DOT1L: variants seen among roughly 807,000 people sequenced by gnomAD.
The protein encoded by DOT1L is histone-lysine N-methyltransferase, H3 lysine-79 specific.
A neutral mutation model predicts 153.3 loss-of-function variants in DOT1L; 33 were observed. The observed-to-expected ratio is 0.22, with a 90% confidence interval of 0.16 to 0.29. The LOEUF (loss-of-function observed/expected upper bound fraction) is 0.29. Among genes scored for constraint, DOT1L ranks in the 10% least tolerant of loss-of-function variants. The probability of loss-of-function intolerance (pLI) is 1.00; values close to 1 mark genes in which losing one functional copy is unlikely to be tolerated. For missense variants in DOT1L, 1,847 were observed against 2,119.9 expected (o/e 0.87, Z 2.53); for synonymous variants, 1,135 against 965.1 (o/e 1.18, Z -3.26).
At chr19:2,216,155 G>T in intron 19 of DOT1L, 126 bp from the exon 20 acceptor site, 1 of 1,386,228 alleles carries the variant, frequency 7.2e-7, no homozygotes, top group Non-Finnish European at 9.6e-7. Context: ...CGGCAGCTTT[G>T]GTTTTTCCAT....
chr19:2,183,510 C>G (rs1315881073), intron 2 of DOT1L, among the ~76,000 whole-genome samples: 6 of 152,138 alleles, frequency 3.9e-5, no homozygotes, highest in Non-Finnish European at 8.8e-5. Context: ...TGAGAATCAG[C>G]CTTTCCATTT....
chr19:2,192,095 G>A (rs955191506), intron 5 of DOT1L, among the ~76,000 whole-genome samples: 6 of 152,216 alleles, frequency 3.9e-5, no homozygotes, highest in African/African-American at 1.4e-4. Context: ...GGACCTCGAT[G>A]GACATGTGAA....
chr19:2,203,315 G>A (rs1298343984), intron 9 of DOT1L, among the ~76,000 whole-genome samples: 1 of 152,200 alleles, frequency 6.6e-6, no homozygotes, highest in Non-Finnish European at 1.5e-5. Context: ...GGCCAGGCTG[G>A]TCTCGAACTC....
rs1314488156 is a variant in DOT1L, at chr19:2,187,919, C to G, written c.201-1813C>G. 2.0e-4 allele frequency among the ~76,000 whole-genome samples: 12 copies of G among 59,478 alleles called. No individual in the cohort carries two copies. In the East Asian group the frequency reaches 6.7e-3, roughly 33 times the overall value. The allele number at this position is 59,478 out of a possible 152,430, so 39.0% of individuals were successfully genotyped here. On this transcript the variant is annotated intron_variant, in intron 3 of 27. Transcript: ENST00000398665. The stretch of plus-strand genomic sequence containing the variant: ...CCTGGGTGACAGAGCGAGACTCCAT[C>G]TCAGAAAAAAAAAAAAAAAGGGAAG...
At chr19:2,209,022 T>C in intron 12 of DOT1L, 46 bp downstream of exon 12, 1 of 1,594,492 alleles carries the variant, frequency 6.3e-7, no homozygotes, top group Non-Finnish European at 8.6e-7. Flanking sequence ...ACGCATGCAC[T>C]GATGTGGGGA....
Position 2,226,951 on chromosome 19 carries a change from G to C in DOT1L, c.4430G>C (p.Gly1477Ala), listed in dbSNP as rs1353748516. Residue 1477 changes from glycine to alanine, a missense_variant, in exon 27 of 28, where the codon GGC becomes GCC. By Grantham distance (60) the Gly-to-Ala change is moderately conservative. This residue lies in a region of DOT1L where 934 missense variants were observed against 825.3 expected (regional missense o/e 1.13). Transcript: ENST00000398665. Reference sequence around the variant, plus strand: ...CCGCCGGGACCGCAGTTCGCGCTCGGCCCCATGTCCCTGCAGGCCAACCTC... The same window carrying C: ...CCGCCGGGACCGCAGTTCGCGCTCGCCCCCATGTCCCTGCAGGCCAACCTC... ...PFPPGPQFAL[G>A]PMSLQANLGS... 6.3e-7 allele frequency: 1 copy of C among 1,589,322 alleles called. No homozygotes were observed. The highest frequency in any genetic ancestry group is 8.5e-7 in the Non-Finnish European group (1 of 1,175,722).
In DOT1L at chr19:2,164,094, C is replaced by T. The variant is rs1477345691; in HGVS notation, c.-91C>T. 3.3e-5 allele frequency: 5 copies of T among 150,396 alleles called. No individual in the cohort carries two copies. In the South Asian group the frequency reaches 9.2e-4, roughly 28 times the overall value. 9.3% of individuals were successfully genotyped at this position (150,396 alleles called of 1,614,324 possible). ...GCCCCCTCCCCTCAGCCTCCCGCCC[C>T]TCCCTCCCGCCCGCCCTCCTCCGCC... On this transcript the variant is annotated 5_prime_UTR_variant, in exon 1 of 28. Transcript: ENST00000398665.
chr19:2,226,871 C>A lies in DOT1L; in HGVS notation c.4350C>A (p.Ser1450=). 2 of 1,572,578 alleles carry A rather than the reference C, an allele frequency of 1.3e-6. No individual in the cohort carries two copies. The highest frequency in any genetic ancestry group is 8.6e-7 in the Non-Finnish European group (1 of 1,167,440). The change falls in exon 27 of 28, where the codon TCC becomes TCA. Residue 1450 remains serine (S), a synonymous_variant. Transcript: ENST00000398665. ...CCGGCCTGGCCCCGGCGGCGTCCTC[C>A]GCAGGCGGCGCGGCGTCCTCCGCCC... ...SGPGLAPAAS[S]AGGAASSAQT... is the part of the protein sequence containing the mutation.
chr19:2,202,658 A>T, intron 8 of DOT1L, 42 bp from the exon 9 acceptor site: 1 of 1,597,252 alleles, frequency 6.3e-7, no homozygotes, highest in Non-Finnish European at 8.6e-7. Flanking sequence ...TGTGCCCGTG[A>T]GACGAGCCTT....
chr19:2,179,430 A>G (rs1388493640), intron 1 of DOT1L, among the ~76,000 whole-genome samples: 1 of 152,096 alleles, frequency 6.6e-6, no homozygotes, highest in Admixed American at 6.6e-5. Flanking sequence ...GGACTGCAGC[A>G]TCCAGGGGAT....
rs1255005125 is a variant in DOT1L at position 2,226,689 on chromosome 19, G to T, written c.4168G>T (p.Gly1390Trp). 3 of 1,573,214 alleles carry T rather than the reference G, an allele frequency of 1.9e-6. No homozygotes were observed. The highest frequency in any genetic ancestry group is 1.7e-6 in the Non-Finnish European group (2 of 1,164,126). The change falls in exon 27 of 28, where the codon GGG (glycine) becomes TGG (tryptophan). Residue 1390 changes from glycine (G) to tryptophan (W), a missense_variant. Physicochemically the swap from Gly to Trp is radical, Grantham distance 184 (BLOSUM62 -2). Transcript: ENST00000398665. ...CGAGGGCAGCCGCGGCAAGGAGGCAGGGGAGGGCGGCCTACCGCTGTGCGG... is the reference window on the plus strand; with the variant it reads ...CGAGGGCAGCCGCGGCAAGGAGGCATGGGAGGGCGGCCTACCGCTGTGCGG... Reference protein sequence around the residue: ...KGEGSRGKEAGEGGLPLCGPT... With the variant: ...KGEGSRGKEAWEGGLPLCGPT...
Position 2,226,498 on chromosome 19 carries a change from T to A in DOT1L, c.3977T>A (p.Leu1326Gln). The part of the protein sequence containing the change: ...CTFGGGLAAD[L>Q]SLHSFSDGAS... ...TTCGGCGGGGGCCTGGCCGCGGACC[T>A]GAGTTTACACAGCTTCAGTGATGGT... The change falls in exon 27 of 28, where the codon CTG becomes CAG. Residue 1326 changes from leucine (L) to glutamine (Q), a missense_variant. Coordinates refer to ENST00000398665, the MANE Select transcript of DOT1L (RefSeq NM_032482.3). 1 of 1,600,650 alleles carries A rather than the reference T, an allele frequency of 6.2e-7. No homozygotes were observed. The highest frequency in any genetic ancestry group is 8.5e-7 in the Non-Finnish European group (1 of 1,179,612).
chr19:2,164,359 T>TC (rs1193257498), intron 1 of DOT1L, 94 bp downstream of exon 1: 15 of 843,934 alleles, frequency 1.8e-5, no homozygotes, highest in Non-Finnish European at 2.3e-5. Context: ...CGCTCACCGG[T>TC]CCCCCCTGCG....
In DOT1L at chr19:2,226,960, C is replaced by A. The variant is rs752053629; in HGVS notation, c.4439C>A (p.Ser1480Tyr). The change falls in exon 27 of 28, where the codon TCC (serine) becomes TAC (tyrosine). Residue 1480 changes from serine to tyrosine, a missense_variant. Physicochemically the swap from Ser to Tyr is moderately radical, Grantham distance 144. Coordinates refer to ENST00000398665, the MANE Select transcript of DOT1L (RefSeq NM_032482.3). The part of the protein sequence containing the change: ...PGPQFALGPM[S>Y]LQANLGSVAG... ...CCGCAGTTCGCGCTCGGCCCCATGT[C>A]CCTGCAGGCCAACCTCGGCTCCGTG... The A allele has an allele frequency of 2.5e-6, 4 of 1,590,336 alleles. No homozygotes were observed. The highest frequency in any genetic ancestry group is 3.4e-6 in the Non-Finnish European group (4 of 1,176,184).
In DOT1L at chr19:2,208,868, G is replaced by C. The variant is rs1245352158; in HGVS notation, c.964-67G>C. On this transcript the variant is annotated intron_variant, in intron 11 of 27. Coordinates refer to ENST00000398665, the MANE Select transcript of DOT1L (RefSeq NM_032482.3). This position sits in a 1 kb window ranked among gnomAD's most constrained non-coding sequence, Gnocchi z 4.4. ...TGTCCAGGTTGCTGTTGTTACCTGG[G>C]TGTCCAGACAAATCCGAACAGAGAT... 5 of 1,536,370 alleles carry C rather than the reference G, an allele frequency of 3.3e-6. No homozygotes were observed. Among genetic ancestry groups the C allele is most frequent in the Non-Finnish European group, 4.5e-6 (5 of 1,121,618 alleles).
chr19:2,171,124 G>C (rs980880192), intron 1 of DOT1L, among the ~76,000 whole-genome samples: 2 of 152,156 alleles, frequency 1.3e-5, no homozygotes, highest in African/African-American at 4.8e-5. Flanking sequence ...CACCACGCCT[G>C]GCTAAATTTT....
rs754217297 is a variant in DOT1L at position 2,227,105 on chromosome 19, G to A, written c.4584G>A (p.Gly1528=). 3.2e-6 allele frequency: 5 copies of A among 1,553,372 alleles called. No homozygotes were observed. Among genetic ancestry groups the A allele is most frequent in the Non-Finnish European group, 3.5e-6 (4 of 1,156,012 alleles). Residue 1528 remains glycine, a synonymous_variant, in exon 27 of 28, where the codon GGG becomes GGA. Coordinates refer to ENST00000398665, the MANE Select transcript of DOT1L (RefSeq NM_032482.3). ...TNSHAMGSFS[G]VAGGTVGGN is the part of the protein sequence containing the mutation. ...CGCACGCCATGGGCAGCTTTTCCGG[G>A]GTGGCAGGCGGCACAGTTGGAGGTA...
intron 16 of DOT1L, chr19:2,213,319 C>G: frequency 2.0e-6 from 1 of 498,914 alleles, no homozygotes; most frequent in South Asian, 2.5e-5. Flanking sequence ...TGCAGTCCCT[C>G]CAGCTGGCGA....
In DOT1L at chr19:2,196,208, A is replaced by G. The variant is rs571594046; in HGVS notation, c.651+1631A>G. On this transcript the variant is annotated intron_variant, in intron 7 of 27. Coordinates refer to ENST00000398665, the MANE Select transcript of DOT1L (RefSeq NM_032482.3). ...GCCGGTGTCAGGGTGCAGGGCCCCGATCCCTGGTGGCCCCGACCGGGGTCA... is the reference window on the plus strand; with the variant it reads ...GCCGGTGTCAGGGTGCAGGGCCCCGGTCCCTGGTGGCCCCGACCGGGGTCA... 4.6e-5 allele frequency among the ~76,000 whole-genome samples: 7 copies of G among 152,350 alleles called. No individual in the cohort carries two copies. In the East Asian group the frequency reaches 9.7e-4, roughly 21 times the overall value.
Sources: gnomAD v4.1 joint callset for allele counts (sites outside exome capture counted in the v4.1 genomes callset) on GRCh38, gnomAD v4.1.1 for gene constraint, gnomAD v4.1.1 regional missense constraint, Gnocchi (gnomAD v3.1) non-coding constraint, MANE v1.5 for transcripts, NCBI Gene and HGNC (gene_info 2026-07-23, HGNC 2026-07-21) for gene names.